KCNMB4: variants seen among roughly 807,000 people sequenced by gnomAD.
KCNMB4 encodes the protein potassium calcium-activated channel subfamily M regulatory beta subunit 4, also known as calcium-activated potassium channel subunit beta-4.
Under a neutral mutation model 20.7 loss-of-function variants are expected in KCNMB4, and 3 were observed. That is an observed-to-expected ratio of 0.14 (90% confidence interval 0.07 to 0.37). KCNMB4 has a LOEUF of 0.37. KCNMB4 is among the 10% of genes least tolerant of loss of function. KCNMB4 has a pLI of 1.00. For synonymous variants in KCNMB4, 110 were observed against 113.4 expected, an observed-to-expected ratio of 0.97 and a Z score of 0.19; for missense variants, 168 against 265.9, an observed-to-expected ratio of 0.63 and a Z score of 2.56.
chr12:70,415,463 A>G (rs1868890216), intron 2 of KCNMB4, among the ~76,000 whole-genome samples: 1 of 152,228 alleles, frequency 6.6e-6, no homozygotes, highest in African/African-American at 2.4e-5. Flanking sequence ...TGCTAACATC[A>G]GCCAGGATTC....
chr12:70,369,738 A>C (rs1365226950), intron 1 of KCNMB4, among the ~76,000 whole-genome samples: 1 of 152,246 alleles, frequency 6.6e-6, no homozygotes, highest in Non-Finnish European at 1.5e-5. Context: ...CTGTGAGTAA[A>C]TTTGATCTTT....
chr12:70,366,746 C>T lies in KCNMB4; in HGVS notation c.12C>T (p.Leu4=), dbSNP rs763928883. Residue 4 remains leucine, a synonymous_variant, in exon 1 of 3, where the codon CTC becomes CTT. Coordinates refer to ENST00000258111, the MANE Select transcript of KCNMB4 (RefSeq NM_014505.6). The part of the protein sequence containing the change: MAK[L]RVAYEYTEAE... ...GAGAGTGGGGGGCGATGGCGAAGCT[C>T]CGGGTGGCTTACGAGTACACGGAAG... 6.3e-7 allele frequency: 1 copy of T among 1,595,452 alleles called. No homozygotes were observed. The highest frequency in any genetic ancestry group is 8.5e-7 in the Non-Finnish European group (1 of 1,172,820).
rs1163059838 is a variant in KCNMB4, at chr12:70,384,524, C to CGGGATTCACTAACAGAGTCT, written c.337-15684_337-15665dup. On this transcript the variant is annotated intron_variant, in intron 1 of 2. Coordinates refer to ENST00000258111, the MANE Select transcript of KCNMB4 (RefSeq NM_014505.6). ...CACAGTCCCCGTTGGGGAAACACCT[C>CGGGATTCACTAACAGAGTCT]GGGATTCACTAACAGAGTCTAGGAC... Among the ~76,000 whole-genome samples the CGGGATTCACTAACAGAGTCT allele has an allele frequency of 3.6e-4, 55 of 152,302 alleles. 1 individual carries two copies. The highest frequency in any genetic ancestry group is 3.5e-3 in the Admixed American group (53 of 15,302).
intron 1 of KCNMB4, among the ~76,000 whole-genome samples, chr12:70,385,115 G>A (rs1359418066): frequency 3.9e-5 from 6 of 152,104 alleles, no homozygotes; most frequent in African/African-American, 7.2e-5. Context: ...GGTGTCAAGC[G>A]GGGGGAATTT....
At chr12:70,422,956 G>A in intron 2 of KCNMB4, 1 of 583,904 alleles carries the variant, frequency 1.7e-6, no homozygotes, top group Non-Finnish European at 2.3e-6. Flanking sequence ...ACTTCACTGG[G>A]CTGCATCTGA....
intron 1 of KCNMB4, among the ~76,000 whole-genome samples, chr12:70,383,440 A>T (rs1173235355): frequency 6.6e-6 from 1 of 152,218 alleles, no homozygotes; most frequent in African/African-American, 2.4e-5. Context: ...GAGCAATTGC[A>T]TGTCAACTTG....
chr12:70,414,056 A>AC (rs1400755389), intron 2 of KCNMB4, among the ~76,000 whole-genome samples: 14 of 151,936 alleles, frequency 9.2e-5, no homozygotes, highest in Non-Finnish European at 1.8e-4. Flanking sequence ...ACATGGTGAA[A>AC]CCCCATCTCT....
At chr12:70,387,263 G>A (rs770767600) in intron 1 of KCNMB4, among the ~76,000 whole-genome samples, 26 of 151,994 alleles carry the variant, frequency 1.7e-4, no homozygotes, top group Non-Finnish European at 2.5e-4. Context: ...GATATTGGCT[G>A]TGATTTTCAT....
chr12:70,383,428 A>C (rs908960943), intron 1 of KCNMB4, among the ~76,000 whole-genome samples: 1 of 152,230 alleles, frequency 6.6e-6, no homozygotes, highest in Admixed American at 6.5e-5. Context: ...AACATGTTGC[A>C]GGAGCAATTG....
intron 2 of KCNMB4, among the ~76,000 whole-genome samples, chr12:70,408,599 C>G (rs1038322976): frequency 1.9e-4 from 29 of 152,060 alleles, no homozygotes; most frequent in Non-Finnish European, 1.2e-4. Context: ...CGTGGGCAGT[C>G]AGTCTCGGTG....
At chr12:70,379,406 T>G (rs1467787457) in intron 1 of KCNMB4, among the ~76,000 whole-genome samples, 1 of 152,190 alleles carries the variant, frequency 6.6e-6, no homozygotes, top group Non-Finnish European at 1.5e-5. Context: ...CATGAGCACT[T>G]GCTGCTTCAC....
intron 2 of KCNMB4, among the ~76,000 whole-genome samples, chr12:70,414,003 G>T (rs958925929): frequency 6.6e-6 from 1 of 152,148 alleles, no homozygotes; most frequent in African/African-American, 2.4e-5. Context: ...GGAGGCTGAG[G>T]CAGGCAGATC....
chr12:70,394,302 A>G (rs967500243), intron 1 of KCNMB4, among the ~76,000 whole-genome samples: 10 of 152,092 alleles, frequency 6.6e-5, no homozygotes, highest in African/African-American at 2.2e-4. Context: ...AAGCAGTTCA[A>G]GTGATCTGTG....
chr12:70,382,306 G>A (rs1053085129), intron 1 of KCNMB4, among the ~76,000 whole-genome samples: 2 of 151,130 alleles, frequency 1.3e-5, no homozygotes, highest in Non-Finnish European at 3.0e-5. Context: ...AGTGGCGGGC[G>A]CCTGTAGTCC....
chr12:70,386,955 A>G (rs1221438096), intron 1 of KCNMB4, among the ~76,000 whole-genome samples: 3 of 152,188 alleles, frequency 2.0e-5, no homozygotes, highest in South Asian at 4.1e-4. Context: ...TCTTGTTAAG[A>G]TAGAGTATAG....
At chr12:70,410,791 AAAC>A (rs1475927090) in intron 2 of KCNMB4, among the ~76,000 whole-genome samples, 44 of 152,332 alleles carry the variant, frequency 2.9e-4, no homozygotes, top group Admixed American at 8.5e-4. Flanking sequence ...TGAATGAGTA[AAAC>A]AACAACACAA....
intron 1 of KCNMB4, among the ~76,000 whole-genome samples, chr12:70,370,115 A>ATTGATG (rs1357153364): frequency 5.9e-5 from 9 of 152,104 alleles, no homozygotes; most frequent in Non-Finnish European, 1.2e-4. Flanking sequence ...GGGCCTGGGC[A>ATTGATG]TTGATGTTTT....
At chr12:70,376,606 G>A (rs1159071974) in intron 1 of KCNMB4, among the ~76,000 whole-genome samples, 1 of 151,800 alleles carries the variant, frequency 6.6e-6, no homozygotes, top group Non-Finnish European at 1.5e-5. Context: ...GATGTCTCAC[G>A]CCTGTAATCC....
At chr12:70,382,122 A>C (rs1883796999) in intron 1 of KCNMB4, among the ~76,000 whole-genome samples, 1 of 152,230 alleles carries the variant, frequency 6.6e-6, no homozygotes, top group African/African-American at 2.4e-5. Flanking sequence ...ACATCTAATT[A>C]AAATTAAAAT....
Sources: gnomAD v4.1 joint callset for allele counts (sites outside exome capture counted in the v4.1 genomes callset) on GRCh38, gnomAD v4.1.1 for gene constraint, MANE v1.5 for transcripts, NCBI Gene and HGNC (gene_info 2026-07-23, HGNC 2026-07-21) for gene names.